Variants in B3GALT1 observed in about 807,000 individuals in gnomAD.
B3GALT1 encodes beta-1,3-galactosyltransferase 1.
Under a neutral mutation model 23.2 loss-of-function variants are expected in B3GALT1, and 10 were observed. The observed-to-expected ratio is 0.43, with a 90% confidence interval of 0.27 to 0.73. The LOEUF (loss-of-function observed/expected upper bound fraction) is 0.73, where lower values mean the gene tolerates loss of function less well. Among genes scored for constraint, B3GALT1 ranks in the 30% least tolerant of loss-of-function variants. The probability of loss-of-function intolerance (pLI) is 0.21; values close to 1 mark genes in which losing one functional copy is unlikely to be tolerated. For synonymous variants in B3GALT1, 156 were observed against 141.5 expected (o/e 1.10, Z -0.73); for missense variants, 299 against 405.4 (o/e 0.74, Z 2.25).
chr2:167,609,759 G>A (rs1685026926), intron 2 of B3GALT1, among the ~76,000 whole-genome samples: 1 of 152,142 alleles, frequency 6.6e-6, no homozygotes, highest in African/African-American at 2.4e-5. Flanking sequence ...GCGTATCACA[G>A]AAAGATCAAT....
At chr2:167,862,707 G>A (rs976944160) in intron 4 of B3GALT1, 14 of 152,176 alleles carry the variant, frequency 9.2e-5, no homozygotes, top group African/African-American at 2.9e-4. Context: ...CCCGCTCCTA[G>A]GCCTTACCTC....
chr2:167,836,264 A>T (rs890180411), intron 4 of B3GALT1, among the ~76,000 whole-genome samples: 2 of 152,228 alleles, frequency 1.3e-5, no homozygotes, highest in African/African-American at 4.8e-5. Context: ...AAGGCAAAGA[A>T]GTTAAAAACT....
At chr2:167,658,758 A>G (rs1354168909) in intron 3 of B3GALT1, among the ~76,000 whole-genome samples, 1 of 152,082 alleles carries the variant, frequency 6.6e-6, no homozygotes, top group Non-Finnish European at 1.5e-5. Context: ...ATGCAAGGTA[A>G]TTAGCAAAAG....
chr2:167,376,735 T>C (rs1490853301), intron 1 of B3GALT1, among the ~76,000 whole-genome samples: 1 of 152,178 alleles, frequency 6.6e-6, no homozygotes, highest in East Asian at 1.9e-4. Flanking sequence ...CTCTTTTTTT[T>C]ACTTTGTTAA....
At chr2:167,664,369 G>C (rs1339334912) in intron 3 of B3GALT1, among the ~76,000 whole-genome samples, 2 of 151,518 alleles carry the variant, frequency 1.3e-5, no homozygotes, top group African/African-American at 4.9e-5. Context: ...CTGTAGCTTT[G>C]TAGTATAGTT....
chr2:167,856,108 T>C (rs1157823938), intron 4 of B3GALT1, among the ~76,000 whole-genome samples: 1 of 152,176 alleles, frequency 6.6e-6, no homozygotes, highest in Non-Finnish European at 1.5e-5. Flanking sequence ...TCTATGTCGA[T>C]GAACAAAAAC....
chr2:167,560,900 G>A (rs1405965466), intron 2 of B3GALT1, among the ~76,000 whole-genome samples: 2 of 151,794 alleles, frequency 1.3e-5, no homozygotes, highest in African/African-American at 2.4e-5. Flanking sequence ...AGATCAACGA[G>A]ACAGAAAGTC....
At chr2:167,817,885 T>C (rs1689026611) in intron 3 of B3GALT1, among the ~76,000 whole-genome samples, 1 of 152,220 alleles carries the variant, frequency 6.6e-6, no homozygotes, top group Non-Finnish European at 1.5e-5. Flanking sequence ...TCCTGTTATT[T>C]AAACAAACAG....
At chr2:167,715,886 C>T in intron 3 of B3GALT1, 2 of 1,613,720 alleles carry the variant, frequency 1.2e-6, no homozygotes, top group African/African-American at 1.3e-5. Context: ...TAAAACTTCT[C>T]CACAAAAAAA....
intron 4 of B3GALT1, among the ~76,000 whole-genome samples, chr2:167,865,655 G>A (rs1352794730): frequency 1.3e-5 from 2 of 152,188 alleles, no homozygotes; most frequent in Admixed American, 6.5e-5. Flanking sequence ...AGCCAGGCGT[G>A]GTGGCGGGTG....
At chr2:167,848,071 C>T (rs1390034020) in intron 4 of B3GALT1, among the ~76,000 whole-genome samples, 1 of 152,074 alleles carries the variant, frequency 6.6e-6, no homozygotes, top group African/African-American at 2.4e-5. Context: ...AGAACAATAA[C>T]AAGCAGCGAA....
intron 2 of B3GALT1, among the ~76,000 whole-genome samples, chr2:167,598,578 C>T (rs1684823069): frequency 6.6e-6 from 1 of 152,096 alleles, no homozygotes; most frequent in African/African-American, 2.4e-5. Flanking sequence ...ATTATAGGCT[C>T]AAATATAGGC....
At chr2:167,653,826 G>A (rs893678932) in intron 3 of B3GALT1, among the ~76,000 whole-genome samples, 21 of 152,152 alleles carry the variant, frequency 1.4e-4, no homozygotes, top group African/African-American at 5.1e-4. Flanking sequence ...GAGTTCACTG[G>A]TTGGCTCCAT....
chr2:167,457,592 A>G (rs1237153077), intron 1 of B3GALT1, among the ~76,000 whole-genome samples: 1 of 152,082 alleles, frequency 6.6e-6, no homozygotes, highest in African/African-American at 2.4e-5. Context: ...CAGCTTTTCC[A>G]TAATCCATCA....
intron 1 of B3GALT1, among the ~76,000 whole-genome samples, chr2:167,328,819 T>A (rs1463033171): frequency 6.6e-6 from 1 of 152,166 alleles, no homozygotes; most frequent in African/African-American, 2.4e-5. Context: ...CTACTTTTTT[T>A]ATTTTATTTT....
intron 1 of B3GALT1, among the ~76,000 whole-genome samples, chr2:167,425,686 C>T (rs554034844): frequency 2.8e-4 from 42 of 152,266 alleles, no homozygotes; most frequent in African/African-American, 8.7e-4. Context: ...CAGCTTTTCT[C>T]AGGTTCTTTT....
Position 167,830,376 on chromosome 2 carries a change from A to T in B3GALT1, c.-230+11583A>T, listed in dbSNP as rs1415244005. Among the ~76,000 whole-genome samples the T allele has an allele frequency of 6.3e-5, 6 of 95,352 alleles. No homozygotes were observed. In the East Asian group the frequency reaches 1.4e-3, roughly 23 times the overall value. 62.6% of individuals were successfully genotyped at this position (95,352 alleles called of 152,430 possible). A position where few individuals can be genotyped will look rare whatever the true frequency, so the allele number is the denominator to read the frequency against. On this transcript the variant is annotated intron_variant, in intron 4 of 4. Coordinates refer to ENST00000392690, the MANE Select transcript of B3GALT1 (RefSeq NM_020981.4). The stretch of plus-strand genomic sequence containing the variant: ...GCAGGGTAGGGATTCGTTCATACTT[A>T]AAAAAAAAAAAAAAGTTTGGTTAGA...
chr2:167,776,079 A>ACAG (rs2105314520), intron 3 of B3GALT1, among the ~76,000 whole-genome samples: 1 of 112,778 alleles, frequency 8.9e-6, no homozygotes, highest in Admixed American at 8.9e-5. Flanking sequence ...CACACACACA[A>ACAG]TTATAGGTAT....
At chr2:167,682,763 G>T (rs1419494027) in intron 3 of B3GALT1, among the ~76,000 whole-genome samples, 2 of 152,132 alleles carry the variant, frequency 1.3e-5, no homozygotes, top group Non-Finnish European at 2.9e-5. Context: ...TAAATTCCTT[G>T]CAGATAGGAA....
Sources: allele counts gnomAD v4.1 joint callset (sites outside exome capture counted in the v4.1 genomes callset), GRCh38; gene constraint gnomAD v4.1.1; transcripts MANE v1.5; gene names NCBI Gene and HGNC (gene_info 2026-07-23, HGNC 2026-07-21).